DCDC1: variants seen among roughly 807,000 people sequenced by gnomAD.
The protein encoded by DCDC1 is doublecortin domain containing 1.
Under a neutral mutation model 178.3 loss-of-function variants are expected in DCDC1, and 200 were observed. The observed-to-expected ratio is 1.12, with a 90% CI of 1.00 to 1.26. DCDC1 has a LOEUF of 1.26. Among genes scored for constraint, DCDC1 ranks in the 50% most tolerant of loss-of-function variants. The pLI is 0.00. For missense variants in DCDC1, 1,983 were observed against 1,749.2 expected, an observed-to-expected ratio of 1.13 and a Z score of -2.38; for synonymous variants, 690 against 604.8, an observed-to-expected ratio of 1.14 and a Z score of -2.07.
At chr11:31,100,644 TG>T (rs1958444526) in intron 15 of DCDC1, among the ~76,000 whole-genome samples, 1 of 152,218 alleles carries the variant, frequency 6.6e-6, no homozygotes, top group African/African-American at 2.4e-5. Context: ...AAGCATGTTC[TG>T]GTGCACAATT....
In DCDC1 at chr11:30,968,126, G is replaced by C. The variant is rs189338104; in HGVS notation, c.2592-15558C>G. Among the ~76,000 whole-genome samples, 429 of 152,212 alleles carry C rather than the reference G, an allele frequency of 2.8e-3. 3 individuals carry two copies. The highest frequency in any genetic ancestry group is 4.6e-3 in the Non-Finnish European group (312 of 68,004). Reference sequence around the variant, plus strand: ...TTCTATCCTTGAGGAGTCCCAGTTTGGTGAGCAGGATGGGCCAATGGAATA... The same window carrying C: ...TTCTATCCTTGAGGAGTCCCAGTTTCGTGAGCAGGATGGGCCAATGGAATA... On this transcript the variant is annotated intron_variant, in intron 20 of 38. Transcript: ENST00000684477.
intron 20 of DCDC1, among the ~76,000 whole-genome samples, chr11:31,000,263 A>G (rs1350579787): frequency 6.6e-6 from 1 of 152,200 alleles, no homozygotes; most frequent in East Asian, 1.9e-4. Context: ...TATCCAGGAA[A>G]GAATTCAGTA....
intron 9 of DCDC1, among the ~76,000 whole-genome samples, chr11:31,218,436 A>T (rs1973848055): frequency 6.6e-6 from 1 of 152,186 alleles, no homozygotes; most frequent in Non-Finnish European, 1.5e-5. Flanking sequence ...ACTTAAATGT[A>T]ACAAAAGATT....
intron 16 of DCDC1, 73 bp downstream of exon 16, chr11:31,093,977 C>T (rs980232745): frequency 5.5e-6 from 4 of 729,840 alleles, no homozygotes; most frequent in African/African-American, 3.4e-5. Context: ...CATGAGAGCA[C>T]CAGGTGCCAG....
chr11:31,279,108 A>G (rs547689297), intron 7 of DCDC1, among the ~76,000 whole-genome samples: 1 of 152,208 alleles, frequency 6.6e-6, no homozygotes, highest in Admixed American at 6.5e-5. Flanking sequence ...TATCTCTTGG[A>G]CCTTCTTTCA....
At chr11:31,134,315 G>A (rs750192480) in intron 10 of DCDC1, among the ~76,000 whole-genome samples, 10 of 152,168 alleles carry the variant, frequency 6.6e-5, no homozygotes, top group Non-Finnish European at 1.2e-4. Context: ...GTGACCATGG[G>A]TACCATCTAC....
intron 8 of DCDC1, among the ~76,000 whole-genome samples, chr11:31,257,091 G>T (rs530763211): frequency 1.3e-5 from 2 of 152,178 alleles, no homozygotes; most frequent in South Asian, 4.1e-4. Context: ...AGGTAAATCT[G>T]TAGGCCAGCG....
At chr11:31,133,589 C>T (rs1962730593) in intron 10 of DCDC1, among the ~76,000 whole-genome samples, 1 of 152,214 alleles carries the variant, frequency 6.6e-6, no homozygotes, top group African/African-American at 2.4e-5. Context: ...GCAAAGTGAA[C>T]TATCCCTTGA....
chr11:31,129,076 A>G (rs1466320811), intron 10 of DCDC1, among the ~76,000 whole-genome samples: 1 of 152,096 alleles, frequency 6.6e-6, no homozygotes, highest in Non-Finnish European at 1.5e-5. Flanking sequence ...CCCCGCCTAT[A>G]TTCTAATTCT....
At chr11:31,237,687 G>C (rs1976623674) in intron 9 of DCDC1, among the ~76,000 whole-genome samples, 1 of 151,918 alleles carries the variant, frequency 6.6e-6, no homozygotes, top group Non-Finnish European at 1.5e-5. Context: ...AGAAATTGCA[G>C]TGTTTTTCAA....
At chr11:31,163,453 T>G (rs1324905490) in intron 9 of DCDC1, among the ~76,000 whole-genome samples, 4 of 152,188 alleles carry the variant, frequency 2.6e-5, no homozygotes, top group Non-Finnish European at 5.9e-5. Context: ...TCATTTGTTT[T>G]GTTCTTATCT....
intron 9 of DCDC1, among the ~76,000 whole-genome samples, chr11:31,157,877 T>C (rs1965889067): frequency 6.6e-6 from 1 of 152,194 alleles, no homozygotes. Flanking sequence ...AAAGTAGCTA[T>C]AACATATGTT....
chr11:31,210,772 C>G (rs2554052), intron 9 of DCDC1, among the ~76,000 whole-genome samples: 13,857 of 151,222 alleles, frequency 0.092, 1,748 homozygotes, highest in African/African-American at 0.28. Context: ...GAGAATGGAC[C>G]AAGCACTGTT....
chr11:30,899,650 A>T lies in DCDC1; in HGVS notation c.4664-8T>A. ...TTTCTGCTTTCTGCAAAGCTAGAAT[A>T]ATAAAAATACAAGATATTTTATCAA... On this transcript the variant is annotated splice_region_variant and splice_polypyrimidine_tract_variant and intron_variant, in intron 33 of 38. Coordinates refer to ENST00000684477, the MANE Select transcript of DCDC1 (RefSeq NM_001387274.1). 6.6e-7 allele frequency: 1 copy of T among 1,515,766 alleles called. No homozygotes were observed. The highest frequency in any genetic ancestry group is 8.8e-7 in the Non-Finnish European group (1 of 1,130,872). The allele number at this position is 1,515,766 out of a possible 1,614,324, so 93.9% of individuals were successfully genotyped here.
chr11:31,343,361 C>A lies in DCDC1; in HGVS notation c.-124-7797G>T, dbSNP rs192710839. The stretch of plus-strand genomic sequence containing the variant: ...CACTCTTGTTGCCCAGGCTGGAGTA[C>A]AATGGCACAATCTTGACTCACTGCA... On this transcript the variant is annotated intron_variant, in intron 1 of 38. Coordinates refer to ENST00000684477, the MANE Select transcript of DCDC1 (RefSeq NM_001387274.1). 5.7e-3 allele frequency among the ~76,000 whole-genome samples: 868 copies of A among 152,160 alleles called. 8 individuals are homozygous for A. Among genetic ancestry groups the A allele is most frequent in the African/African-American group, 0.02 (836 of 41,522 alleles).
At chr11:31,253,452 AT>A (rs1944204431) in intron 8 of DCDC1, among the ~76,000 whole-genome samples, 1 of 149,654 alleles carries the variant, frequency 6.7e-6, no homozygotes, top group African/African-American at 2.5e-5. Context: ...TGCCTTGGAG[AT>A]TTTTTTAAAA....
At chr11:30,924,148 G>A (rs757505700) in intron 23 of DCDC1, among the ~76,000 whole-genome samples, 1 of 152,108 alleles carries the variant, frequency 6.6e-6, no homozygotes, top group Non-Finnish European at 1.5e-5. Context: ...TGTATTGTAT[G>A]ATTTAATGTA....
chr11:31,289,104 TTC>T (rs1481414317), intron 7 of DCDC1, among the ~76,000 whole-genome samples: 4 of 152,044 alleles, frequency 2.6e-5, no homozygotes, highest in Admixed American at 2.0e-4. Flanking sequence ...ATAAATTCCT[TTC>T]TAGAGACAAA....
At chr11:31,176,293 C>T (rs1466824754) in intron 9 of DCDC1, among the ~76,000 whole-genome samples, 1 of 152,036 alleles carries the variant, frequency 6.6e-6, no homozygotes, top group African/African-American at 2.4e-5. Context: ...CAGGCTAGAG[C>T]AAGCAGAATA....
Sources: gnomAD v4.1 joint callset for allele counts (sites outside exome capture counted in the v4.1 genomes callset) on GRCh38, gnomAD v4.1.1 for gene constraint, MANE v1.5 for transcripts, NCBI Gene and HGNC (gene_info 2026-07-23, HGNC 2026-07-21) for gene names.